CD2: variants seen among roughly 807,000 people sequenced by gnomAD.
CD2 encodes T-cell surface antigen CD2.
CD2 carries 18 observed loss-of-function variants against 23.2 expected under a neutral mutation model. That is an observed-to-expected ratio of 0.77 (90% CI 0.54 to 1.15). The LOEUF (loss-of-function observed/expected upper bound fraction) is 1.15, where lower values mean the gene tolerates loss of function less well. Among genes scored for constraint, CD2 ranks in the 50% most tolerant of loss-of-function variants. The pLI, the probability that CD2 is intolerant of heterozygous loss-of-function variation, is 0.00. For missense variants in CD2, 424 were observed against 423.1 expected (o/e 1.00, Z -0.02); for synonymous variants, 162 against 151.9 (o/e 1.07, Z -0.49).
chr1:116,767,327 C>G (rs1390756369), intron 4 of CD2, among the ~76,000 whole-genome samples: 1 of 152,112 alleles, frequency 6.6e-6, no homozygotes, highest in Non-Finnish European at 1.5e-5. Flanking sequence ...GGTGCGGTGG[C>G]TCATACCTGT....
Position 116,769,038 on chromosome 1 carries a change from G to A in CD2, c.*255G>A, listed in dbSNP as rs1652314486. The A allele has an allele frequency of 1.5e-5, 7 of 451,842 alleles. No individual in the cohort carries two copies. The East Asian group carries it at 1.9e-4, about 12-fold the overall frequency. The allele number at this position is 451,842 out of a possible 1,614,324, so 28.0% of individuals were successfully genotyped here. The stretch of plus-strand genomic sequence containing the variant: ...GTGATTGCAAGAATGGTAGAGGACC[G>A]AGCACAGAAATCTTAGAGATTTCTT... On this transcript the variant is annotated 3_prime_UTR_variant, in exon 5 of 5. Transcript: ENST00000369478.
At chr1:116,755,032 C>A in intron 2 of CD2, 81 bp downstream of exon 2, 2 of 928,142 alleles carry the variant, frequency 2.2e-6, no homozygotes, top group Non-Finnish European at 3.3e-6. Context: ...CTAATATTCC[C>A]CAGCGCTGAC....
chr1:116,760,641 C>G lies in CD2; in HGVS notation c.613+9C>G, dbSNP rs767132885. 1 of 1,607,830 alleles carries G rather than the reference C, an allele frequency of 6.2e-7. No individual in the cohort carries two copies. The highest frequency in any genetic ancestry group is 1.1e-5 in the South Asian group (1 of 90,896). Reference sequence around the variant, plus strand: ...GCCTGTCAGCTGTCCAGGTGCGTGGCGGGCATCACTTCACAAACACAGCCT... The same window carrying G: ...GCCTGTCAGCTGTCCAGGTGCGTGGGGGGCATCACTTCACAAACACAGCCT... On this transcript the variant is annotated intron_variant, in intron 3 of 4. Coordinates refer to ENST00000369478, the MANE Select transcript of CD2 (RefSeq NM_001767.5).
At chr1:116,760,081 G>A (rs1273716761) in intron 2 of CD2, among the ~76,000 whole-genome samples, 2 of 152,118 alleles carry the variant, frequency 1.3e-5, no homozygotes, top group Admixed American at 1.3e-4. Flanking sequence ...GTCTGTAAAT[G>A]GGAAGAAAAA....
At chr1:116,761,261 T>C (rs913926670) in intron 3 of CD2, among the ~76,000 whole-genome samples, 3 of 152,232 alleles carry the variant, frequency 2.0e-5, no homozygotes, top group African/African-American at 7.2e-5. Context: ...GAAGTATTTC[T>C]GAGAGGCAGC....
In CD2 at chr1:116,760,644, G is replaced by C. The variant is rs200257499; in HGVS notation, c.613+12G>C. On this transcript the variant is annotated intron_variant, in intron 3 of 4. Transcript: ENST00000369478. ...TGTCAGCTGTCCAGGTGCGTGGCGG[G>C]CATCACTTCACAAACACAGCCTGCC... 1 of 1,606,758 alleles carries C rather than the reference G, an allele frequency of 6.2e-7. No homozygotes were observed. The highest frequency in any genetic ancestry group is 1.3e-5 in the African/African-American group (1 of 74,914).
In CD2 at chr1:116,760,621, T is replaced by C. The variant is rs1652019488; in HGVS notation, c.602T>C (p.Val201Ala). Reference sequence around the variant, plus strand: ...AGCAAGGAATCCAGTGTCGAGCCTGTCAGCTGTCCAGGTGCGTGGCGGGCA... The same window carrying C: ...AGCAAGGAATCCAGTGTCGAGCCTGCCAGCTGTCCAGGTGCGTGGCGGGCA... ...KVSKESSVEP[V>A]SCPEKGLDIY... Residue 201 changes from valine to alanine, a missense_variant, in exon 3 of 5, where the codon GTC (valine) becomes GCC (alanine). Val to Ala is a moderately conservative substitution (Grantham distance 64). Coordinates refer to ENST00000369478, the MANE Select transcript of CD2 (RefSeq NM_001767.5). 6.2e-7 allele frequency: 1 copy of C among 1,614,122 alleles called. No individual in the cohort carries two copies. Among genetic ancestry groups the C allele is most frequent in the Non-Finnish European group, 8.5e-7 (1 of 1,179,958 alleles).
intron 2 of CD2, among the ~76,000 whole-genome samples, chr1:116,757,764 G>A (rs1651906284): frequency 6.6e-6 from 1 of 151,336 alleles, no homozygotes; most frequent in Admixed American, 6.6e-5. Flanking sequence ...GAGAGAGAGA[G>A]AGAGAGAGAG....
chr1:116,756,896 C>T (rs1651868354), intron 2 of CD2, among the ~76,000 whole-genome samples: 1 of 152,026 alleles, frequency 6.6e-6, no homozygotes, highest in Non-Finnish European at 1.5e-5. Context: ...TTCAGTGAGA[C>T]AAGGTGTGTA....
At chr1:116,755,066 A>G (rs1651794734) in intron 2 of CD2, 115 bp downstream of exon 2, 3 of 701,264 alleles carry the variant, frequency 4.3e-6, no homozygotes, top group African/African-American at 3.6e-5. Context: ...GGGGCTATAC[A>G]GGAAACCAGA....
intron 3 of CD2, among the ~76,000 whole-genome samples, chr1:116,763,595 C>T (rs1652121947): frequency 6.6e-6 from 1 of 152,174 alleles, no homozygotes; most frequent in African/African-American, 2.4e-5. Context: ...TTACAGTTTA[C>T]AAAGCACTTT....
rs575534843 is a variant in CD2 at position 116,761,719 on chromosome 1, G to C, written c.613+1087G>C. ...AGCAGGGGTCATTGAAGGCATCTGA[G>C]AGTCTGCCAATCACCAACTTGACCA... On this transcript the variant is annotated intron_variant, in intron 3 of 4. Transcript: ENST00000369478. 2.0e-5 allele frequency among the ~76,000 whole-genome samples: 3 copies of C among 152,308 alleles called. No homozygotes were observed. In the South Asian group the frequency reaches 6.2e-4, roughly 32 times the overall value.
At chr1:116,758,224 G>T (rs1449666720) in intron 2 of CD2, among the ~76,000 whole-genome samples, 2 of 152,092 alleles carry the variant, frequency 1.3e-5, no homozygotes, top group African/African-American at 2.4e-5. Flanking sequence ...CTTGTACAAT[G>T]ATTGGAGTTG....
chr1:116,767,893 C>T (rs1192723814), intron 4 of CD2, among the ~76,000 whole-genome samples: 1 of 152,132 alleles, frequency 6.6e-6, no homozygotes. Context: ...AGGAGGAGTT[C>T]TTTCCCTCCT....
intron 2 of CD2, among the ~76,000 whole-genome samples, chr1:116,758,331 C>A (rs1004000558): frequency 1.3e-5 from 2 of 152,020 alleles, no homozygotes; most frequent in Non-Finnish European, 2.9e-5. Flanking sequence ...ACAGGCCAGC[C>A]ATTCAGTGAG....
intron 2 of CD2, among the ~76,000 whole-genome samples, chr1:116,757,752 T>TATAGAGTG (rs372345259): frequency 7.1e-6 from 1 of 140,632 alleles, no homozygotes; most frequent in African/African-American, 2.5e-5. Flanking sequence ...TATATATATA[T>TATAGAGTG]AGAGAGAGAG....
At chr1:116,759,548 A>G (rs1651967900) in intron 2 of CD2, among the ~76,000 whole-genome samples, 1 of 152,154 alleles carries the variant, frequency 6.6e-6, no homozygotes, top group South Asian at 2.1e-4. Context: ...TTGTGGTGCA[A>G]TCTCTGTGCG....
At chr1:116,755,828 T>G (rs1458333249) in intron 2 of CD2, among the ~76,000 whole-genome samples, 1 of 151,990 alleles carries the variant, frequency 6.6e-6, no homozygotes, top group East Asian at 1.9e-4. Flanking sequence ...GAAAGTGGAA[T>G]CGAAATGCCA....
intron 2 of CD2, among the ~76,000 whole-genome samples, chr1:116,759,591 A>G (rs151122562): frequency 2.4e-4 from 36 of 152,342 alleles, no homozygotes; most frequent in African/African-American, 8.2e-4. Context: ...TATCGAATGC[A>G]TGAATTACCA....
Sources: gnomAD v4.1 joint callset for allele counts (sites outside exome capture counted in the v4.1 genomes callset) on GRCh38, gnomAD v4.1.1 for gene constraint, MANE v1.5 for transcripts, NCBI Gene and HGNC (gene_info 2026-07-23, HGNC 2026-07-21) for gene names.